KIF18B: variants seen among roughly 807,000 people sequenced by gnomAD.
KIF18B encodes the protein kinesin-like protein KIF18B.
A neutral mutation model predicts 80.9 loss-of-function variants in KIF18B; 49 were observed. That is an observed-to-expected ratio of 0.61 (90% CI 0.48 to 0.77). The LOEUF (loss-of-function observed/expected upper bound fraction) is 0.77, where lower values mean the gene tolerates loss of function less well. KIF18B is among the 30% of genes least tolerant of loss of function. The pLI is 0.00. For synonymous variants in KIF18B, 439 were observed against 463.9 expected (o/e 0.95, Z 0.69); for missense variants, 994 against 1,127.7 (o/e 0.88, Z 1.70).
rs2052047285 is a variant in KIF18B, at chr17:44,927,171, G to T, written c.2277-93C>A. 1.1e-6 allele frequency: 1 copy of T among 930,534 alleles called. No homozygotes were observed. Among genetic ancestry groups the T allele is most frequent in the East Asian group, 2.6e-5 (1 of 38,220 alleles). The allele number at this position is 930,534 out of a possible 1,614,324, so 57.6% of individuals were successfully genotyped here. A position where few individuals can be genotyped will look rare whatever the true frequency, so the allele number is the denominator to read the frequency against. ...CCTCCAGCCCCCAGCTCGGGCATGG[G>T]GGAGGGTGGTTGGACAAGATGACCT... On this transcript the variant is annotated intron_variant, in intron 13 of 15. Coordinates refer to ENST00000593135, the MANE Select transcript of KIF18B (RefSeq NM_001265577.2). This position sits in a 1 kb window ranked among gnomAD's most constrained non-coding sequence, Gnocchi z 4.1.
intron 1 of KIF18B, among the ~76,000 whole-genome samples, chr17:44,946,491 T>G (rs2052514769): frequency 6.6e-6 from 1 of 152,238 alleles, no homozygotes; most frequent in Admixed American, 6.5e-5. Context: ...TTAACTTCTC[T>G]GAGCCTCAGT....
In KIF18B at chr17:44,927,999, G is replaced by C; in HGVS notation, c.2276+27C>G. 1.3e-6 allele frequency: 2 copies of C among 1,502,690 alleles called. No individual in the cohort carries two copies. The highest frequency in any genetic ancestry group is 1.8e-6 in the Non-Finnish European group (2 of 1,123,594). The allele number at this position is 1,502,690 out of a possible 1,614,324, so 93.1% of individuals were successfully genotyped here. A position where few individuals can be genotyped will look rare whatever the true frequency, so the allele number is the denominator to read the frequency against. On this transcript the variant is annotated intron_variant, in intron 13 of 15. Transcript: ENST00000593135. This position sits in a 1 kb window ranked among gnomAD's most constrained non-coding sequence, Gnocchi z 4.1. The stretch of plus-strand genomic sequence containing the variant: ...TGCTGACCACTGACCACTGACAGGA[G>C]GGGTGGAGCGAGACTGGGAGACCCA...
Position 44,928,026 on chromosome 17 carries a change from C to T in KIF18B, c.2276G>A (p.Arg759Lys). Residue 759 changes from arginine to lysine, a missense_variant and splice_region_variant, in exon 13 of 16, where the codon AGG (arginine) becomes AAG (lysine). Coordinates refer to ENST00000593135, the MANE Select transcript of KIF18B (RefSeq NM_001265577.2). ...LSRLDQPFIPRAPVPLFTMKG... is the reference protein window; with the variant it reads ...LSRLDQPFIPKAPVPLFTMKG... ...GGTGGAGCGAGACTGGGAGACCCAC[C>T]TGGGGATGAAGGGCTGGTCCAGCCT... is the stretch of plus-strand genomic sequence containing the variant. The T allele has an allele frequency of 2.0e-6, 3 of 1,514,714 alleles. No individual in the cohort carries two copies. The highest frequency in any genetic ancestry group is 2.6e-6 in the Non-Finnish European group (3 of 1,132,322). 93.8% of individuals were successfully genotyped at this position (1,514,714 alleles called of 1,614,324 possible). A position where few individuals can be genotyped will look rare whatever the true frequency, so the allele number is the denominator to read the frequency against.
At chr17:44,926,595 C>T (rs2052032174) in intron 14 of KIF18B, 96 bp from the exon 15 acceptor site, 2 of 1,237,018 alleles carry the variant, frequency 1.6e-6, no homozygotes, top group African/African-American at 3.0e-5. Context: ...TGACACTAAG[C>T]CCTGAGAGCA....
In KIF18B at chr17:44,928,368, C is replaced by T. The variant is rs371805837; in HGVS notation, c.1934G>A (p.Arg645Gln). The T allele has an allele frequency of 2.8e-5, 45 of 1,590,398 alleles. No homozygotes were observed. Among genetic ancestry groups the T allele is most frequent in the Middle Eastern group, 1.7e-4 (1 of 6,054 alleles). Residue 645 changes from arginine (R) to glutamine (Q), a missense_variant, in exon 13 of 16, where the codon CGG becomes CAG. Arg to Gln is a conservative substitution (Grantham distance 43, BLOSUM62 1). Transcript: ENST00000593135. ...LEADSPMAPK[R>Q]GTKRQRQSFL... ...GGACTGGCGCTGGCGCTTGGTGCCC[C>T]GCTTTGGGGCCATGGGACTGTCTGC...
intron 1 of KIF18B, among the ~76,000 whole-genome samples, chr17:44,938,494 G>A (rs1329981539): frequency 1.3e-5 from 2 of 151,956 alleles, no homozygotes; most frequent in Non-Finnish European, 2.9e-5. Context: ...TAGCTTTTAT[G>A]TCATACTTAA....
intron 1 of KIF18B, among the ~76,000 whole-genome samples, chr17:44,943,410 T>C (rs140000896): frequency 0.011 from 1,703 of 152,250 alleles, 27 homozygotes; most frequent in African/African-American, 0.038. Flanking sequence ...TCTTTTGTTT[T>C]TTTAAATAGA....
intron 7 of KIF18B, 70 bp downstream of exon 7, chr17:44,933,853 T>C (rs2052213397): frequency 7.0e-7 from 1 of 1,427,910 alleles, no homozygotes; most frequent in African/African-American, 1.4e-5. Context: ...TGGAGCTGCC[T>C]GGGTCCCACC....
rs1487487692 is a variant in KIF18B at position 44,932,042 on chromosome 17, C to A, written c.1389+14G>T. On this transcript the variant is annotated intron_variant, in intron 10 of 15. Transcript: ENST00000593135. ...GCCCTCCCGATACCCAGGCCTCACA[C>A]CCCCAAGTCCTACCTCCTCAGCTGG... 3 of 1,600,880 alleles carry A rather than the reference C, an allele frequency of 1.9e-6. No homozygotes were observed. Among genetic ancestry groups the A allele is most frequent in the South Asian group, 1.1e-5 (1 of 89,716 alleles).
chr17:44,933,047 C>T lies in KIF18B; in HGVS notation c.1063-61G>A, dbSNP rs149237675. On this transcript the variant is annotated intron_variant, in intron 7 of 15. Transcript: ENST00000593135. ...ATTCAAAGCAGCTTTTATCAGCCAC[C>T]GCCGATGGCCAGGCACTGCACTAGG... is the stretch of plus-strand genomic sequence containing the variant. 661 of 1,495,074 alleles carry T rather than the reference C, an allele frequency of 4.4e-4. 4 individuals are homozygous for T. In the African/African-American group the frequency reaches 8.1e-3, roughly 18 times the overall value. The allele number at this position is 1,495,074 out of a possible 1,614,324, so 92.6% of individuals were successfully genotyped here.
chr17:44,940,496 T>C (rs539138534), intron 1 of KIF18B, among the ~76,000 whole-genome samples: 1 of 152,238 alleles, frequency 6.6e-6, no homozygotes, highest in Admixed American at 6.5e-5. Flanking sequence ...TCCCCAGACC[T>C]CTCTCCCTGG....
Position 44,934,181 on chromosome 17 carries a change from T to A in KIF18B, c.885+52A>T. On this transcript the variant is annotated intron_variant, in intron 6 of 15. Coordinates refer to ENST00000593135, the MANE Select transcript of KIF18B (RefSeq NM_001265577.2). This position sits in a 1 kb window ranked among gnomAD's most constrained non-coding sequence, Gnocchi z 5.4. ...GGGCCCTGTGGCCTTTGGCCCTGGG[T>A]TCAGGTGCTCAGTTGCTATCCTGGG... 1 of 1,594,694 alleles carries A rather than the reference T, an allele frequency of 6.3e-7. No homozygotes were observed. Among genetic ancestry groups the A allele is most frequent in the Non-Finnish European group, 8.6e-7 (1 of 1,169,388 alleles).
chr17:44,935,670 C>A (rs2052273106), intron 2 of KIF18B, among the ~76,000 whole-genome samples: 1 of 152,188 alleles, frequency 6.6e-6, no homozygotes, highest in African/African-American at 2.4e-5. Context: ...GTAGGTGAGG[C>A]AGCTTTTGGT....
Position 44,944,755 on chromosome 17 carries a change from A to G in KIF18B, c.-15+2873T>C, listed in dbSNP as rs529760416. Among the ~76,000 whole-genome samples, 7 of 152,310 alleles carry G rather than the reference A, an allele frequency of 4.6e-5. No homozygotes were observed. The East Asian group carries it at 5.8e-4, about 13-fold the overall frequency. ...CCTCTATGGAAAATTGAATTCCTCA[A>G]TGGAATAGTCCTAGATCTAGTCAAA... On this transcript the variant is annotated intron_variant, in intron 1 of 15. Transcript: ENST00000593135.
At position 44,934,625 on chromosome 17, in the gene KIF18B, G is replaced by A. The variant is rs2052237684; in HGVS notation, c.577-8C>T. On this transcript the variant is annotated splice_region_variant and splice_polypyrimidine_tract_variant and intron_variant, in intron 4 of 15. Coordinates refer to ENST00000593135, the MANE Select transcript of KIF18B (RefSeq NM_001265577.2). The surrounding 1 kb of genome is among the most constrained non-coding windows in gnomAD (Gnocchi z 5.4). Reference sequence around the variant, plus strand: ...CTGCTCGGCTGAGGCTGGCTACAGAGGAGAAGCCCAGGAACGGGGCTGTGG... The same window carrying A: ...CTGCTCGGCTGAGGCTGGCTACAGAAGAGAAGCCCAGGAACGGGGCTGTGG... The A allele has an allele frequency of 1.3e-6, 2 of 1,592,648 alleles. No individual in the cohort carries two copies. The highest frequency in any genetic ancestry group is 8.6e-7 in the Non-Finnish European group (1 of 1,168,894).
chr17:44,927,636 G>A lies in KIF18B; in HGVS notation c.2276+390C>T, dbSNP rs1347259044. On this transcript the variant is annotated intron_variant, in intron 13 of 15. Transcript: ENST00000593135. The surrounding 1 kb of genome is among the most constrained non-coding windows in gnomAD (Gnocchi z 4.1). ...AAATCTGGAGTAGAAGTGGCAGAAA[G>A]AGGTATTTCCCAGTGGAACATAGAA... Among the ~76,000 whole-genome samples, 1 of 152,370 alleles carries A rather than the reference G, an allele frequency of 6.6e-6. No individual in the cohort carries two copies. The highest frequency in any genetic ancestry group is 1.9e-4 in the East Asian group (1 of 5,182).
Position 44,931,690 on chromosome 17 carries a change from G to C in KIF18B, c.1429C>G (p.Leu477Val). Residue 477 changes from leucine (L) to valine (V), a missense_variant, in exon 11 of 16, where the codon CTG becomes GTG. Physicochemically the swap from Leu to Val is conservative, Grantham distance 32 (BLOSUM62 1). Transcript: ENST00000593135. The stretch of plus-strand genomic sequence containing the variant: ...AGGGTCAGGCGAGGGGACTCTGGCA[G>C]TGCATGTGTGGGGTTCTGCTCTGGC... ...QMPEQNPTHA[L>V]PESPRLTLQP... 1.2e-6 allele frequency: 2 copies of C among 1,614,024 alleles called. No homozygotes were observed. The highest frequency in any genetic ancestry group is 2.2e-5 in the South Asian group (2 of 91,088).
chr17:44,928,963 G>A lies in KIF18B; in HGVS notation c.1579C>T (p.Leu527Phe). The A allele has an allele frequency of 6.2e-7, 1 of 1,614,042 alleles. No homozygotes were observed. Among genetic ancestry groups the A allele is most frequent in the Non-Finnish European group, 8.5e-7 (1 of 1,179,898 alleles). The part of the protein sequence containing the change: ...RQYSLLQAAN[L>F]LTPDMITEFE... ...TCTGTGATCATGTCGGGCGTCAGGA[G>A]GTTGGCTGCTTGGAGCAGGGAGTAC... Residue 527 changes from leucine (L) to phenylalanine (F), a missense_variant, in exon 12 of 16, where the codon CTC (leucine) becomes TTC (phenylalanine). Physicochemically the swap from Leu to Phe is conservative, Grantham distance 22 (BLOSUM62 0). Coordinates refer to ENST00000593135, the MANE Select transcript of KIF18B (RefSeq NM_001265577.2).
In KIF18B at chr17:44,934,735, C is replaced by A; in HGVS notation, c.576+96G>T. 8.0e-7 allele frequency: 1 copy of A among 1,254,258 alleles called. No homozygotes were observed. Among genetic ancestry groups the A allele is most frequent in the South Asian group, 1.4e-5 (1 of 69,336 alleles). 77.7% of individuals were successfully genotyped at this position (1,254,258 alleles called of 1,614,324 possible). On this transcript the variant is annotated intron_variant, in intron 4 of 15. Coordinates refer to ENST00000593135, the MANE Select transcript of KIF18B (RefSeq NM_001265577.2). This position sits in a 1 kb window ranked among gnomAD's most constrained non-coding sequence, Gnocchi z 5.4. ...CCCCTTGCTACCACCACCACTGCTACCACCATCACAGGACCCAGGGCATCC... is the reference window on the plus strand; with the variant it reads ...CCCCTTGCTACCACCACCACTGCTAACACCATCACAGGACCCAGGGCATCC...
Sources: allele counts gnomAD v4.1 joint callset (sites outside exome capture counted in the v4.1 genomes callset), GRCh38; gene constraint gnomAD v4.1.1; non-coding constraint Gnocchi (gnomAD v3.1); transcripts MANE v1.5; gene names NCBI Gene and HGNC (gene_info 2026-07-23, HGNC 2026-07-21).